The following CLIC4 variants were observed in gnomAD, a reference collection of about 807,000 sequenced individuals.
CLIC4 encodes the protein CLIC family member 4, also known as chloride intracellular channel protein 4.
Under a neutral mutation model 24.6 loss-of-function variants are expected in CLIC4, and 13 were observed. The observed-to-expected ratio is 0.53, with a 90% CI of 0.34 to 0.84. CLIC4 has a LOEUF of 0.84. Ranked by LOEUF, CLIC4 falls within the 40% of genes least tolerant of loss-of-function variation. The probability of loss-of-function intolerance (pLI) is 0.01; values close to 1 mark genes in which losing one functional copy is unlikely to be tolerated. For synonymous variants in CLIC4, 104 were observed against 111.3 expected (o/e 0.93, Z 0.41); for missense variants, 227 against 301.7 (o/e 0.75, Z 1.83).
intron 1 of CLIC4, among the ~76,000 whole-genome samples, chr1:24,745,980 C>T (rs937138374): frequency 3.3e-5 from 5 of 150,568 alleles, no homozygotes; most frequent in African/African-American, 1.2e-4. Context: ...GTCACCACCC[C>T]CCGCCCGGGC....
intron 1 of CLIC4, among the ~76,000 whole-genome samples, chr1:24,772,776 G>A (rs1450701946): frequency 1.3e-5 from 2 of 152,112 alleles, no homozygotes; most frequent in African/African-American, 2.4e-5. Flanking sequence ...GAGCCACAGC[G>A]CCCGGCTGAT....
chr1:24,778,962 T>C (rs926330261), intron 1 of CLIC4, among the ~76,000 whole-genome samples: 9 of 152,244 alleles, frequency 5.9e-5, no homozygotes, highest in African/African-American at 2.2e-4. Context: ...ATTTGTTATT[T>C]CATCTAGTAG....
Position 24,797,708 on chromosome 1 carries a change from G to T in CLIC4, c.73-34G>T. ...ATGTCATGTTGAGTATCATCACTTTGACCTTGTTTTTAATGTTTAATTCTG... is the reference window on the plus strand; with the variant it reads ...ATGTCATGTTGAGTATCATCACTTTTACCTTGTTTTTAATGTTTAATTCTG... On this transcript the variant is annotated intron_variant, in intron 1 of 5. Transcript: ENST00000374379. The T allele has an allele frequency of 2.0e-6, 3 of 1,470,450 alleles. No individual in the cohort carries two copies. In the South Asian group the frequency reaches 3.6e-5, roughly 18 times the overall value. The allele number at this position is 1,470,450 out of a possible 1,614,324, so 91.1% of individuals were successfully genotyped here.
At chr1:24,758,580 C>T (rs1035136303) in intron 1 of CLIC4, among the ~76,000 whole-genome samples, 38 of 152,096 alleles carry the variant, frequency 2.5e-4, no homozygotes, top group African/African-American at 8.2e-4. Flanking sequence ...CCTCAGCCTC[C>T]CGACTGGCTG....
At chr1:24,829,084 CTCCTTTTTATT>C (rs908204523) in intron 4 of CLIC4, among the ~76,000 whole-genome samples, 2 of 152,170 alleles carry the variant, frequency 1.3e-5, no homozygotes, top group African/African-American at 4.8e-5. Flanking sequence ...ATTAGTGATT[CTCCTTTTTATT>C]TCCCCCAACC....
intron 1 of CLIC4, among the ~76,000 whole-genome samples, chr1:24,764,430 G>A (rs963641345): frequency 6.6e-6 from 1 of 151,564 alleles, no homozygotes; most frequent in African/African-American, 2.4e-5. Flanking sequence ...CAGCACTTTG[G>A]GAGGCGAGGC....
intron 4 of CLIC4, among the ~76,000 whole-genome samples, chr1:24,838,150 G>A (rs1639904302): frequency 1.3e-5 from 2 of 152,076 alleles, no homozygotes. Context: ...CACCCTGGGA[G>A]TCTTTAGTTT....
chr1:24,800,392 T>TG (rs1422723680), intron 2 of CLIC4, among the ~76,000 whole-genome samples: 32 of 120,206 alleles, frequency 2.7e-4, no homozygotes, highest in East Asian at 1.7e-3. Flanking sequence ...GGGAGGGAGG[T>TG]GGGGGGGTCA....
At chr1:24,796,942 T>A (rs980239282) in intron 1 of CLIC4, among the ~76,000 whole-genome samples, 1 of 151,714 alleles carries the variant, frequency 6.6e-6, no homozygotes, top group African/African-American at 2.4e-5. Context: ...TTTTATTTTT[T>A]ATTTTATTTA....
chr1:24,841,141 C>G lies in CLIC4; in HGVS notation c.*204C>G. On this transcript the variant is annotated 3_prime_UTR_variant, in exon 6 of 6. Transcript: ENST00000374379. ...ATTATTTTAAAATCCTTTACCCTGG[C>G]TACCTCCCCTACCCGGGTTCCCCTC... The G allele has an allele frequency of 2.9e-6, 1 of 343,992 alleles. No individual in the cohort carries two copies. Among genetic ancestry groups the G allele is most frequent in the Non-Finnish European group, 5.2e-6 (1 of 193,594 alleles). The allele number at this position is 343,992 out of a possible 1,614,324, so 21.3% of individuals were successfully genotyped here.
chr1:24,765,171 T>C (rs979259682), intron 1 of CLIC4, among the ~76,000 whole-genome samples: 2 of 152,212 alleles, frequency 1.3e-5, no homozygotes, highest in African/African-American at 4.8e-5. Context: ...CTTAAATGCA[T>C]GAGATAGAAG....
At chr1:24,806,633 A>G (rs572036554) in intron 2 of CLIC4, among the ~76,000 whole-genome samples, 22 of 150,536 alleles carry the variant, frequency 1.5e-4, no homozygotes, top group African/African-American at 4.8e-4. Context: ...ATATGACTCT[A>G]AATTAATCAG....
rs140623615 is a variant in CLIC4 at position 24,812,188 on chromosome 1, C to T, written c.183-1906C>T. 5.3e-5 allele frequency among the ~76,000 whole-genome samples: 8 copies of T among 152,120 alleles called. No homozygotes were observed. The East Asian group carries it at 1.2e-3, about 22-fold the overall frequency. On this transcript the variant is annotated intron_variant, in intron 2 of 5. Transcript: ENST00000374379. Reference sequence around the variant, plus strand: ...CTTTGGAATGAATTTGGACAAAATCCTTAGGTAATGTAGATTTTAAGCTTT... The same window carrying T: ...CTTTGGAATGAATTTGGACAAAATCTTTAGGTAATGTAGATTTTAAGCTTT...
At chr1:24,810,531 A>G (rs1401396024) in intron 2 of CLIC4, among the ~76,000 whole-genome samples, 1 of 152,200 alleles carries the variant, frequency 6.6e-6, no homozygotes, top group Middle Eastern at 3.2e-3. Flanking sequence ...TGTGGGTTAT[A>G]TCTACCTATT....
chr1:24,748,865 T>C (rs1215708852), intron 1 of CLIC4, among the ~76,000 whole-genome samples: 1 of 152,106 alleles, frequency 6.6e-6, no homozygotes, highest in Non-Finnish European at 1.5e-5. Context: ...ATTCTTGATC[T>C]CTTCTCAAAA....
chr1:24,788,477 T>C (rs747486900), intron 1 of CLIC4, among the ~76,000 whole-genome samples: 23 of 152,290 alleles, frequency 1.5e-4, no homozygotes, highest in Admixed American at 4.6e-4. Flanking sequence ...CACGGGGGAT[T>C]GGTTCCAGGA....
intron 2 of CLIC4, among the ~76,000 whole-genome samples, chr1:24,799,314 G>C (rs1438362763): frequency 6.6e-6 from 1 of 151,860 alleles, no homozygotes; most frequent in East Asian, 1.9e-4. Flanking sequence ...CATCTGGGAT[G>C]TGAGGAGCGC....
chr1:24,836,482 A>G (rs1639886767), intron 4 of CLIC4, among the ~76,000 whole-genome samples: 1 of 152,230 alleles, frequency 6.6e-6, no homozygotes, highest in Admixed American at 6.5e-5. Flanking sequence ...AAATTTTTCC[A>G]AAAAAATTGA....
intron 1 of CLIC4, among the ~76,000 whole-genome samples, chr1:24,795,584 T>G (rs368855580): frequency 6.6e-6 from 1 of 152,282 alleles, no homozygotes; most frequent in East Asian, 1.9e-4. Context: ...TTTATTTTTA[T>G]TTTTGAAATG....
Sources: gnomAD v4.1 joint callset for allele counts (sites outside exome capture counted in the v4.1 genomes callset) on GRCh38, gnomAD v4.1.1 for gene constraint, MANE v1.5 for transcripts, NCBI Gene and HGNC (gene_info 2026-07-23, HGNC 2026-07-21) for gene names.